The following PXDNL variants were observed in gnomAD, a reference collection of about 807,000 sequenced individuals.
The protein encoded by PXDNL is probable oxidoreductase PXDNL.
A neutral mutation model predicts 150.8 loss-of-function variants in PXDNL; 145 were observed. The ratio of observed to expected loss-of-function variants is 0.96; its 90% CI spans 0.84 to 1.10. The LOEUF is 1.10. Ranked by LOEUF, PXDNL falls within the 50% of genes least tolerant of loss-of-function variation. PXDNL has a pLI of 0.00. For synonymous variants in PXDNL, 757 were observed against 725.7 expected (o/e 1.04, Z -0.69); for missense variants, 2,087 against 1,873.9 (o/e 1.11, Z -2.10).
chr8:51,685,119 G>A (rs1349015194), intron 1 of PXDNL, among the ~76,000 whole-genome samples: 1 of 152,184 alleles, frequency 6.6e-6, no homozygotes, highest in Non-Finnish European at 1.5e-5. Flanking sequence ...AAACCAATGT[G>A]TCTCACTGTG....
At chr8:51,337,918 C>A (rs1805876970) in intron 21 of PXDNL, among the ~76,000 whole-genome samples, 1 of 144,588 alleles carries the variant, frequency 6.9e-6, no homozygotes, top group Non-Finnish European at 1.5e-5. Context: ...GTGGCTCACA[C>A]CTGTAGTCCC....
At chr8:51,577,947 GAAAGAAAGAAAGAA>G (rs1412483868) in intron 3 of PXDNL, among the ~76,000 whole-genome samples, 2 of 76,744 alleles carry the variant, frequency 2.6e-5, no homozygotes, top group Non-Finnish European at 5.2e-5. Context: ...AAGAAAGAAA[GAAAGAAAGAAAGAA>G]AGAAAGAAAG....
chr8:51,449,653 T>G (rs1187162923), intron 10 of PXDNL, among the ~76,000 whole-genome samples: 1 of 152,214 alleles, frequency 6.6e-6, no homozygotes, highest in East Asian at 1.9e-4. Context: ...TATTATTGCT[T>G]TTGTATAAAT....
At chr8:51,517,024 T>C (rs1811555086) in intron 4 of PXDNL, among the ~76,000 whole-genome samples, 1 of 152,222 alleles carries the variant, frequency 6.6e-6, no homozygotes, top group Admixed American at 6.5e-5. Flanking sequence ...CCTTTTACTT[T>C]CTTTTCAGGA....
In PXDNL at chr8:51,809,427, T is replaced by TGATGGTGGC; in HGVS notation, c.-92_-84dup. ...GCTGCAGCAGCAACCGCAGTGGTGG[T>TGATGGTGGC]GATGGTGGCTGCTGGACTGAGCCAA... On this transcript the variant is annotated 5_prime_UTR_variant, in exon 1 of 23. Coordinates refer to ENST00000356297, the MANE Select transcript of PXDNL (RefSeq NM_144651.5). 1 of 1,364,148 alleles carries TGATGGTGGC rather than the reference T, an allele frequency of 7.3e-7. No homozygotes were observed. Among genetic ancestry groups the TGATGGTGGC allele is most frequent in the Non-Finnish European group, 9.7e-7 (1 of 1,027,944 alleles). The allele number at this position is 1,364,148 out of a possible 1,614,324, so 84.5% of individuals were successfully genotyped here.
At chr8:51,523,268 ACAT>A (rs998626573) in intron 4 of PXDNL, among the ~76,000 whole-genome samples, 3 of 152,208 alleles carry the variant, frequency 2.0e-5, no homozygotes, top group African/African-American at 7.2e-5. Context: ...ATGTTGTTAA[ACAT>A]CTATAAGATT....
intron 20 of PXDNL, among the ~76,000 whole-genome samples, chr8:51,343,458 G>T (rs10105724): frequency 0.045 from 6,871 of 152,266 alleles, 520 homozygotes; most frequent in African/African-American, 0.16. Flanking sequence ...ATTGTAAAGT[G>T]TATGTTTGAG....
rs1808553177 is a variant in PXDNL, at chr8:51,409,311, C to T, written c.2313G>A (p.Val771=). 2 of 1,420,960 alleles carry T rather than the reference C, an allele frequency of 1.4e-6. No individual in the cohort carries two copies. The highest frequency in any genetic ancestry group is 1.5e-5 in the South Asian group (1 of 65,570). The allele number at this position is 1,420,960 out of a possible 1,614,324, so 88.0% of individuals were successfully genotyped here. A position where few individuals can be genotyped will look rare whatever the true frequency, so the allele number is the denominator to read the frequency against. The part of the protein sequence containing the change: ...IRAPRGLGLP[V]GSRQPLPPPR... ...GCGGCGGGAGGGGCTGGCGGGAGCC[C>T]ACAGGAAGGCCGAGCCCGCGGGGCG... Residue 771 remains valine, a synonymous_variant, in exon 17 of 23, where the codon GTG becomes GTA. Coordinates refer to ENST00000356297, the MANE Select transcript of PXDNL (RefSeq NM_144651.5).
intron 3 of PXDNL, among the ~76,000 whole-genome samples, chr8:51,562,390 A>T (rs886881760): frequency 1.2e-4 from 18 of 152,112 alleles, no homozygotes; most frequent in Middle Eastern, 3.4e-3. Flanking sequence ...AATTCCAAAA[A>T]ATATTATGTG....
chr8:51,440,595 A>G (rs4873194), intron 12 of PXDNL, among the ~76,000 whole-genome samples: 147,266 of 152,282 alleles, frequency 0.97, 71,438 homozygotes, highest in East Asian at 1. Context: ...AACACATGTT[A>G]CCCTTACTTA....
intron 2 of PXDNL, among the ~76,000 whole-genome samples, chr8:51,646,196 A>G (rs1814916417): frequency 6.6e-6 from 1 of 152,156 alleles, no homozygotes; most frequent in Non-Finnish European, 1.5e-5. Context: ...TGGTGTCCTT[A>G]TAAGGAGAGG....
chr8:51,419,102 T>C (rs1473862992), intron 14 of PXDNL, among the ~76,000 whole-genome samples: 1 of 152,110 alleles, frequency 6.6e-6, no homozygotes, highest in Non-Finnish European at 1.5e-5. Flanking sequence ...ATGTTCAAAA[T>C]CAGTTTTTAA....
intron 1 of PXDNL, among the ~76,000 whole-genome samples, chr8:51,682,786 G>C (rs1027234341): frequency 6.6e-6 from 1 of 152,112 alleles, no homozygotes; most frequent in Non-Finnish European, 1.5e-5. Flanking sequence ...GACTAAAGCA[G>C]TGGTTCTCAA....
intron 7 of PXDNL, among the ~76,000 whole-genome samples, chr8:51,473,528 C>T (rs558027142): frequency 6.6e-6 from 1 of 151,812 alleles, no homozygotes; most frequent in Non-Finnish European, 1.5e-5. Context: ...GTAAAAAGTC[C>T]TTGGGTTGAA....
chr8:51,431,930 C>A (rs75232349), intron 12 of PXDNL, among the ~76,000 whole-genome samples: 2,058 of 152,270 alleles, frequency 0.014, 42 homozygotes, highest in African/African-American at 0.047. Flanking sequence ...TATCAAAACA[C>A]ACTTGCCAGT....
At chr8:51,781,986 T>A (rs555941971) in intron 1 of PXDNL, among the ~76,000 whole-genome samples, 2 of 152,330 alleles carry the variant, frequency 1.3e-5, no homozygotes, top group Admixed American at 6.5e-5. Flanking sequence ...TCACCACATG[T>A]GTTCAAATGA....
intron 20 of PXDNL, among the ~76,000 whole-genome samples, chr8:51,341,860 A>G (rs1198498646): frequency 6.6e-6 from 1 of 152,212 alleles, no homozygotes; most frequent in Non-Finnish European, 1.5e-5. Context: ...GTTGGTGGAA[A>G]TGTGGGTTGG....
At chr8:51,388,660 C>G (rs1807800082) in intron 17 of PXDNL, among the ~76,000 whole-genome samples, 5 of 152,218 alleles carry the variant, frequency 3.3e-5, no homozygotes. Flanking sequence ...GGGTCTCTCT[C>G]TCTCATTCCT....
chr8:51,435,424 C>T (rs1290456094), intron 12 of PXDNL, among the ~76,000 whole-genome samples: 1 of 151,804 alleles, frequency 6.6e-6, no homozygotes, highest in Non-Finnish European at 1.5e-5. Flanking sequence ...AAAATAATTA[C>T]ACTGGACTCC....
Sources: allele counts gnomAD v4.1 joint callset (sites outside exome capture counted in the v4.1 genomes callset), GRCh38; gene constraint gnomAD v4.1.1; transcripts MANE v1.5; gene names NCBI Gene and HGNC (gene_info 2026-07-23, HGNC 2026-07-21).